The following KPNA7 variants were observed in gnomAD, a reference collection of about 807,000 sequenced individuals.
KPNA7 encodes importin subunit alpha-8.
A neutral mutation model predicts 53.7 loss-of-function variants in KPNA7; 54 were observed. That is an observed-to-expected ratio of 1.01 (90% CI 0.81 to 1.26). The LOEUF is 1.26. KPNA7 is among the 50% of genes most tolerant of loss of function. KPNA7 has a pLI of 0.00. For synonymous variants in KPNA7, 276 were observed against 259.3 expected (o/e 1.06, Z -0.62); for missense variants, 640 against 644.5 (o/e 0.99, Z 0.07).
At chr7:99,168,430 C>T in the KPNA7 span, among the ~76,000 whole-genome samples, 4 of 152,204 alleles carry the variant, frequency 2.6e-5, no homozygotes, top group Non-Finnish European at 5.9e-5. Flanking sequence ...ATACACAAAA[C>T]ATGTGCTTCC....
the KPNA7 span, among the ~76,000 whole-genome samples, chr7:99,165,046 C>T: frequency 6.6e-6 from 1 of 152,208 alleles, no homozygotes; most frequent in Non-Finnish European, 1.5e-5. Flanking sequence ...GAGGCTGAGG[C>T]AGGAGGATCA....
intron 8 of KPNA7, among the ~76,000 whole-genome samples, chr7:99,184,176 A>G (rs1227228511): frequency 4.7e-5 from 6 of 128,268 alleles, no homozygotes; most frequent in African/African-American, 1.7e-4. Context: ...TTTTTTTGAG[A>G]CAGGGTCTCA....
chr7:99,178,455 G>C (rs1014121790), intron 9 of KPNA7, among the ~76,000 whole-genome samples: 1 of 152,046 alleles, frequency 6.6e-6, no homozygotes, highest in Non-Finnish European at 1.5e-5. Context: ...TGTAATTCCA[G>C]CTACTCAGGA....
At chr7:99,172,654 A>G (rs1443352577), downstream of KPNA7, among the ~76,000 whole-genome samples, 1 of 152,218 alleles carries the variant, frequency 6.6e-6, no homozygotes, top group Non-Finnish European at 1.5e-5. Flanking sequence ...TTGAGTTTCT[A>G]GAGAAAATTA....
intron 7 of KPNA7, among the ~76,000 whole-genome samples, chr7:99,186,268 C>G (rs890289525): frequency 2.0e-5 from 3 of 152,196 alleles, no homozygotes; most frequent in African/African-American, 7.2e-5. Flanking sequence ...AACAACAACT[C>G]TCCTACAATA....
intron 7 of KPNA7, among the ~76,000 whole-genome samples, chr7:99,187,742 AATTTTTGT>A (rs1462982000): frequency 2.1e-5 from 3 of 143,570 alleles, no homozygotes; most frequent in Admixed American, 1.5e-4. Context: ...TTTACAAATA[AATTTTTGT>A]ATTTTTGTAT....
At chr7:99,176,136 A>C (rs1034869455) in intron 10 of KPNA7, among the ~76,000 whole-genome samples, 19 of 151,744 alleles carry the variant, frequency 1.3e-4, no homozygotes, top group Non-Finnish European at 2.2e-4. Context: ...GTCTCTACTA[A>C]AAGTACAAAA....
Position 99,207,418 on chromosome 7 carries a change from G to A in KPNA7, c.49C>T (p.Arg17Ter), listed in dbSNP as rs746784660. The change falls in exon 2 of 11, where the codon CGA (arginine) becomes TGA (stop). Residue 17 changes from arginine to a stop codon, truncating the protein, a stop_gained. Transcript: ENST00000327442. LOFTEE classifies it high-confidence loss of function. ...PEERRRKFKY[R>*]GKDVSLRRQQ... Reference sequence around the variant, plus strand: ...ATACTCACAGACACATCTTTGCCTCGGTACTTAAATTTTCTCCGCCTCTCT... The same window carrying A: ...ATACTCACAGACACATCTTTGCCTCAGTACTTAAATTTTCTCCGCCTCTCT... The A allele has an allele frequency of 7.5e-5, 116 of 1,551,080 alleles. No homozygotes were observed. Among genetic ancestry groups the A allele is most frequent in the Middle Eastern group, 1.7e-4 (1 of 6,014 alleles).
intron 3 of KPNA7, among the ~76,000 whole-genome samples, chr7:99,200,195 G>A (rs1466220937): frequency 2.6e-5 from 4 of 152,076 alleles, no homozygotes; most frequent in African/African-American, 9.7e-5. Flanking sequence ...GAGCCATCAG[G>A]CCTGGCTAAT....
At chr7:99,166,295 C>T in the KPNA7 span, among the ~76,000 whole-genome samples, 3 of 152,264 alleles carry the variant, frequency 2.0e-5, no homozygotes, top group African/African-American at 4.8e-5. Context: ...CACTGCCTAG[C>T]ACCTACTATG....
chr7:99,162,819 C>T, the KPNA7 span, among the ~76,000 whole-genome samples: 1 of 151,902 alleles, frequency 6.6e-6, no homozygotes, highest in African/African-American at 2.4e-5. Context: ...CTACAATCTA[C>T]GAATAGGGGG....
At chr7:99,160,582 A>C in the KPNA7 span, among the ~76,000 whole-genome samples, 13 of 152,070 alleles carry the variant, frequency 8.5e-5, no homozygotes, top group Non-Finnish European at 1.3e-4. Flanking sequence ...GAGTCACTGC[A>C]CCCAGCCATC....
intron 2 of KPNA7, among the ~76,000 whole-genome samples, chr7:99,203,617 G>A (rs748225898): frequency 9.9e-5 from 15 of 152,100 alleles, no homozygotes; most frequent in African/African-American, 1.7e-4. Context: ...GGCCTTTTCG[G>A]TGGTGGCTAG....
chr7:99,181,479 T>A (rs745554783), intron 9 of KPNA7, among the ~76,000 whole-genome samples: 4 of 152,166 alleles, frequency 2.6e-5, no homozygotes, highest in Non-Finnish European at 4.4e-5. Context: ...TCGAGATGGC[T>A]CTTTTTGTGT....
intron 10 of KPNA7, among the ~76,000 whole-genome samples, chr7:99,176,454 G>A (rs968951728): frequency 6.6e-6 from 1 of 152,096 alleles, no homozygotes; most frequent in African/African-American, 2.4e-5. Flanking sequence ...TGGAGAAATT[G>A]GAATCCTCAT....
rs554590025 is a variant in KPNA7 at position 99,190,581 on chromosome 7, C to T, written c.637-2018G>A. 2.6e-5 allele frequency among the ~76,000 whole-genome samples: 4 copies of T among 151,990 alleles called. No individual in the cohort carries two copies. In the South Asian group the frequency reaches 6.2e-4, roughly 24 times the overall value. ...GATCTTAAACATTTTTAGCCTGTGG[C>T]TTCTGTGGCAACAACAACTGTCCTT... On this transcript the variant is annotated intron_variant, in intron 6 of 10. Coordinates refer to ENST00000327442, the MANE Select transcript of KPNA7 (RefSeq NM_001145715.3).
chr7:99,160,498 C>T, the KPNA7 span, among the ~76,000 whole-genome samples: 1 of 151,782 alleles, frequency 6.6e-6, no homozygotes. Context: ...GCTATGTTGC[C>T]CAGGTGGGTT....
At chr7:99,184,450 A>G (rs1789468594) in intron 8 of KPNA7, among the ~76,000 whole-genome samples, 1 of 152,174 alleles carries the variant, frequency 6.6e-6, no homozygotes, top group Non-Finnish European at 1.5e-5. Context: ...GTCGTGAGCC[A>G]CTGCACTCAG....
the KPNA7 span, among the ~76,000 whole-genome samples, chr7:99,158,500 CTTTTT>C: frequency 6.6e-6 from 1 of 151,912 alleles, no homozygotes; most frequent in East Asian, 1.9e-4. Flanking sequence ...TTTGTACTAT[CTTTTT>C]ATTATTATTA....
Sources: allele counts gnomAD v4.1 joint callset (sites outside exome capture counted in the v4.1 genomes callset), GRCh38; gene constraint gnomAD v4.1.1; transcripts MANE v1.5; gene names NCBI Gene and HGNC (gene_info 2026-07-23, HGNC 2026-07-21).